Variants in NKAPL observed in about 807,000 individuals in gnomAD.
The protein encoded by NKAPL is NKAP-like protein.
In NKAPL, 7 loss-of-function variants were observed where a neutral mutation model predicts 14.7. That is an observed-to-expected ratio of 0.48 (90% CI 0.27 to 0.89). The LOEUF (loss-of-function observed/expected upper bound fraction) is 0.89, where lower values mean the gene tolerates loss of function less well. NKAPL is among the 40% of genes least tolerant of loss of function. The pLI, the probability that NKAPL is intolerant of heterozygous loss-of-function variation, is 0.12. For synonymous variants in NKAPL, 192 were observed against 179.9 expected, an observed-to-expected ratio of 1.07 and a Z score of -0.54; for missense variants, 466 against 494.1, an observed-to-expected ratio of 0.94 and a Z score of 0.54.
rs751561387 is a variant in NKAPL at position 28,259,769 on chromosome 6, C to G, written c.398C>G (p.Ala133Gly). The G allele has an allele frequency of 1.2e-6, 2 of 1,614,140 alleles. No individual in the cohort carries two copies. Among genetic ancestry groups the G allele is most frequent in the Non-Finnish European group, 1.7e-6 (2 of 1,180,028 alleles). ...AGAGAGAGGATTGGGGAATTGGGAG[C>G]GCCTGAAGTGTGGGGGCCGTCTCCA... ...KERERIGELG[A>G]PEVWGPSPKF... Residue 133 changes from alanine (A) to glycine (G), a missense_variant, in exon 1 of 1, where the codon GCG becomes GGG. Ala to Gly is a moderately conservative substitution (Grantham distance 60, BLOSUM62 0). Transcript: ENST00000343684.
At position 28,259,914 on chromosome 6, in the gene NKAPL, T is replaced by A. The variant is rs879150099; in HGVS notation, c.543T>A (p.Ser181Arg). The A allele has an allele frequency of 1.2e-6, 2 of 1,611,074 alleles. No homozygotes were observed. The highest frequency in any genetic ancestry group is 2.2e-5 in the South Asian group (2 of 90,392). ...NSEEHRKKKT[S>R]RSRNKKKRKN... The stretch of plus-strand genomic sequence containing the variant: ...AAGAACATAGGAAAAAGAAGACCAG[T>A]CGTTCAAGAAACAAGAAAAAAAGAA... Residue 181 changes from serine (S) to arginine (R), a missense_variant, in exon 1 of 1, where the codon AGT (serine) becomes AGA (arginine). Coordinates refer to ENST00000343684, the MANE Select transcript of NKAPL (RefSeq NM_001007531.3).
At position 28,259,318 on chromosome 6, in the gene NKAPL, A is replaced by T; in HGVS notation, c.-54A>T. 1 of 1,463,898 alleles carries T rather than the reference A, an allele frequency of 6.8e-7. No individual in the cohort carries two copies. Among genetic ancestry groups the T allele is most frequent in the Non-Finnish European group, 9.1e-7 (1 of 1,094,864 alleles). The allele number at this position is 1,463,898 out of a possible 1,614,324, so 90.7% of individuals were successfully genotyped here. ...TTCTAGTGCGCCTGCGTGGCCGCGA[A>T]TCACCAGCCAGCCTCTGGGTCTGTA... is the stretch of plus-strand genomic sequence containing the variant. On this transcript the variant is annotated 5_prime_UTR_variant, in exon 1 of 1. Coordinates refer to ENST00000343684, the MANE Select transcript of NKAPL (RefSeq NM_001007531.3).
In NKAPL at chr6:28,259,428, G is replaced by C; in HGVS notation, c.57G>C (p.Arg19Ser). ...YSEDIVGSRR[R>S]RRSSSGSPPS... ...AGGACATCGTGGGCTCTCGGAGAAG[G>C]CGACGCAGCTCCTCGGGGAGCCCAC... Residue 19 changes from arginine (R) to serine (S), a missense_variant, in exon 1 of 1, where the codon AGG (arginine) becomes AGC (serine). Transcript: ENST00000343684. 2 of 1,610,670 alleles carry C rather than the reference G, an allele frequency of 1.2e-6. No individual in the cohort carries two copies. Among genetic ancestry groups the C allele is most frequent in the Non-Finnish European group, 1.7e-6 (2 of 1,177,674 alleles).
Position 28,259,731 on chromosome 6 carries a change from G to A in NKAPL, c.360G>A (p.Arg120=). Residue 120 remains arginine, a synonymous_variant, in exon 1 of 1, where the codon AGG becomes AGA. Coordinates refer to ENST00000343684, the MANE Select transcript of NKAPL (RefSeq NM_001007531.3). ...DYEKEESHRQ[R]RLKERERIGE... is the part of the protein sequence containing the mutation. Reference sequence around the variant, plus strand: ...AGAAGGAAGAGAGCCATCGGCAGAGGAGGCTGAAGGAGAGAGAGAGGATTG... The same window carrying A: ...AGAAGGAAGAGAGCCATCGGCAGAGAAGGCTGAAGGAGAGAGAGAGGATTG... 6.2e-7 allele frequency: 1 copy of A among 1,614,248 alleles called. No individual in the cohort carries two copies. Among genetic ancestry groups the A allele is most frequent in the Non-Finnish European group, 8.5e-7 (1 of 1,180,042 alleles).
In NKAPL at chr6:28,259,994, C is replaced by CA; in HGVS notation, c.624dup (p.Glu209ArgfsTer3). 6.2e-7 allele frequency: 1 copy of CA among 1,605,126 alleles called. No homozygotes were observed. The highest frequency in any genetic ancestry group is 8.5e-7 in the Non-Finnish European group (1 of 1,177,880). On this transcript the variant is annotated frameshift_variant, in exon 1 of 1. Coordinates refer to ENST00000343684, the MANE Select transcript of NKAPL (RefSeq NM_001007531.3). LOFTEE classifies it low-confidence loss of function (END_TRUNC). Reference sequence around the variant, plus strand: ...AAATATTCTGATAGTGACAGTAACTCAGAGTCTGACACAAATTCTGACTCT... The same window carrying CA: ...AAATATTCTGATAGTGACAGTAACTCAAGAGTCTGACACAAATTCTGACTCT...
At position 28,259,493 on chromosome 6, in the gene NKAPL, C is replaced by T. The variant is rs760414569; in HGVS notation, c.122C>T (p.Ser41Phe). ...AGATGTTCCTCTTGGGATGGCTGTT[C>T]CCGCTCTCACTCCCGCGGCCGTGAG... ...QSRCSSWDGC[S>F]RSHSRGREGL... Residue 41 changes from serine to phenylalanine, a missense_variant, in exon 1 of 1, where the codon TCC becomes TTC. By Grantham distance (155) the Ser-to-Phe change is radical (BLOSUM62 -2). Transcript: ENST00000343684. 4.3e-6 allele frequency: 7 copies of T among 1,614,196 alleles called. No individual in the cohort carries two copies. The highest frequency in any genetic ancestry group is 3.3e-5 in the South Asian group (3 of 91,086).
In NKAPL at chr6:28,260,046, C is replaced by CAAGAAGAAA. The variant is rs544013005; in HGVS notation, c.690_698dup (p.Lys231_Lys233dup). On this transcript the variant is annotated inframe_insertion, in exon 1 of 1. Transcript: ENST00000343684. ...ATGATGATAAAAAGAGAGTTAAAGC[C>CAAGAAGAAA]AAGAAGAAAAAGAAGAAAAAGAAAC... 1.9e-5 allele frequency: 30 copies of CAAGAAGAAA among 1,582,764 alleles called. No homozygotes were observed. In the African/African-American group the frequency reaches 3.7e-4, roughly 20 times the overall value.
At position 28,260,263 on chromosome 6, in the gene NKAPL, C is replaced by T; in HGVS notation, c.892C>T (p.His298Tyr). ...SQDEKPLKYG[H>Y]ALLPGEGAAM... ...AGATGAAAAACCTTTGAAGTATGGCCATGCTTTGCTTCCCGGTGAAGGTGC... is the reference window on the plus strand; with the variant it reads ...AGATGAAAAACCTTTGAAGTATGGCTATGCTTTGCTTCCCGGTGAAGGTGC... The change falls in exon 1 of 1, where the codon CAT becomes TAT. Residue 298 changes from histidine to tyrosine, a missense_variant. Physicochemically the swap from His to Tyr is moderately conservative, Grantham distance 83. Transcript: ENST00000343684. 1 of 1,614,112 alleles carries T rather than the reference C, an allele frequency of 6.2e-7. No homozygotes were observed. Among genetic ancestry groups the T allele is most frequent in the Non-Finnish European group, 8.5e-7 (1 of 1,180,018 alleles).
In NKAPL at chr6:28,260,829, C is replaced by T. The variant is rs927924029; in HGVS notation, c.*249C>T. ...GTAAAAAGTGAATCTTTCACTTTAG[C>T]CCCTGACACCTTTCCCCCAAAAATA... On this transcript the variant is annotated 3_prime_UTR_variant, in exon 1 of 1. Transcript: ENST00000343684. The T allele has an allele frequency of 5.0e-6, 2 of 399,202 alleles. No individual in the cohort carries two copies. The highest frequency in any genetic ancestry group is 4.4e-5 in the South Asian group (1 of 22,812). The allele number at this position is 399,202 out of a possible 1,614,324, so 24.7% of individuals were successfully genotyped here.
In NKAPL at chr6:28,259,318, A is replaced by G; in HGVS notation, c.-54A>G. 1 of 1,463,898 alleles carries G rather than the reference A, an allele frequency of 6.8e-7. No individual in the cohort carries two copies. Among genetic ancestry groups the G allele is most frequent in the Non-Finnish European group, 9.1e-7 (1 of 1,094,864 alleles). 90.7% of individuals were successfully genotyped at this position (1,463,898 alleles called of 1,614,324 possible). On this transcript the variant is annotated 5_prime_UTR_variant, in exon 1 of 1. Transcript: ENST00000343684. ...TTCTAGTGCGCCTGCGTGGCCGCGA[A>G]TCACCAGCCAGCCTCTGGGTCTGTA... is the stretch of plus-strand genomic sequence containing the variant.
In NKAPL at chr6:28,259,329, G is replaced by T. The variant is rs1410514305; in HGVS notation, c.-43G>T. On this transcript the variant is annotated 5_prime_UTR_variant, in exon 1 of 1. Transcript: ENST00000343684. ...CTGCGTGGCCGCGAATCACCAGCCA[G>T]CCTCTGGGTCTGTAGCAACCGCCCA... 1 of 1,491,026 alleles carries T rather than the reference G, an allele frequency of 6.7e-7. No homozygotes were observed. Among genetic ancestry groups the T allele is most frequent in the Non-Finnish European group, 9.0e-7 (1 of 1,114,340 alleles). 92.4% of individuals were successfully genotyped at this position (1,491,026 alleles called of 1,614,324 possible). A position where few individuals can be genotyped will look rare whatever the true frequency, so the allele number is the denominator to read the frequency against.
Position 28,259,472 on chromosome 6 carries a change from G to C in NKAPL, c.101G>C (p.Cys34Ser). 1 of 1,614,090 alleles carries C rather than the reference G, an allele frequency of 6.2e-7. No individual in the cohort carries two copies. The highest frequency in any genetic ancestry group is 8.5e-7 in the Non-Finnish European group (1 of 1,180,040). The change falls in exon 1 of 1, where the codon TGT becomes TCT. Residue 34 changes from cysteine (C) to serine (S), a missense_variant. Coordinates refer to ENST00000343684, the MANE Select transcript of NKAPL (RefSeq NM_001007531.3). ...SGSPPSPQSR[C>S]SSWDGCSRSH... ...AGCCCACCATCCCCGCAGAGCAGATGTTCCTCTTGGGATGGCTGTTCCCGC... is the reference window on the plus strand; with the variant it reads ...AGCCCACCATCCCCGCAGAGCAGATCTTCCTCTTGGGATGGCTGTTCCCGC...
In NKAPL at chr6:28,260,768, T is replaced by C; in HGVS notation, c.*188T>C. 1 of 624,086 alleles carries C rather than the reference T, an allele frequency of 1.6e-6. No homozygotes were observed. The allele number at this position is 624,086 out of a possible 1,614,324, so 38.7% of individuals were successfully genotyped here. A position where few individuals can be genotyped will look rare whatever the true frequency, so the allele number is the denominator to read the frequency against. On this transcript the variant is annotated 3_prime_UTR_variant, in exon 1 of 1. Coordinates refer to ENST00000343684, the MANE Select transcript of NKAPL (RefSeq NM_001007531.3). ...TTTAAAAAGTAATATGTGCACATGG[T>C]TTTAAAAATATTCAACCATTATAGG...
In NKAPL at chr6:28,259,384, T is replaced by C; in HGVS notation, c.13T>C (p.Ser5Pro). 6.3e-7 allele frequency: 1 copy of C among 1,582,990 alleles called. No individual in the cohort carries two copies. The highest frequency in any genetic ancestry group is 8.6e-7 in the Non-Finnish European group (1 of 1,159,306). Residue 5 changes from serine (S) to proline (P), a missense_variant, in exon 1 of 1, where the codon TCC becomes CCC. Transcript: ENST00000343684. ...TGAGGCGCGGCTCATGCCCCCAGTA[T>C]CCCGGTCCAGCTATTCCGAGGACAT... MPPV[S>P]RSSYSEDIVG... is the part of the protein sequence containing the mutation.
At position 28,260,232 on chromosome 6, in the gene NKAPL, C is replaced by T; in HGVS notation, c.861C>T (p.Thr287=). ...LIGPEAPIIH[T]SQDEKPLKYG... is the part of the protein sequence containing the mutation. ...GGCCAGAAGCACCTATAATACATACCTCTCAAGATGAAAAACCTTTGAAGT... is the reference window on the plus strand; with the variant it reads ...GGCCAGAAGCACCTATAATACATACTTCTCAAGATGAAAAACCTTTGAAGT... Residue 287 remains threonine, a synonymous_variant, in exon 1 of 1, where the codon ACC becomes ACT. Coordinates refer to ENST00000343684, the MANE Select transcript of NKAPL (RefSeq NM_001007531.3). 6.2e-7 allele frequency: 1 copy of T among 1,614,128 alleles called. No homozygotes were observed. The highest frequency in any genetic ancestry group is 1.1e-5 in the South Asian group (1 of 91,078).
chr6:28,259,440 C>G lies in NKAPL; in HGVS notation c.69C>G (p.Ser23=). Residue 23 remains serine (S), a synonymous_variant, in exon 1 of 1, where the codon TCC becomes TCG. Coordinates refer to ENST00000343684, the MANE Select transcript of NKAPL (RefSeq NM_001007531.3). The stretch of plus-strand genomic sequence containing the variant: ...GCTCTCGGAGAAGGCGACGCAGCTC[C>G]TCGGGGAGCCCACCATCCCCGCAGA... The part of the protein sequence containing the change: ...IVGSRRRRRS[S]SGSPPSPQSR... 6.2e-7 allele frequency: 1 copy of G among 1,612,744 alleles called. No individual in the cohort carries two copies. The highest frequency in any genetic ancestry group is 8.5e-7 in the Non-Finnish European group (1 of 1,179,196).
In NKAPL at chr6:28,259,980, T is replaced by G; in HGVS notation, c.609T>G (p.Asp203Glu). 6.2e-7 allele frequency: 1 copy of G among 1,607,722 alleles called. No homozygotes were observed. Residue 203 changes from aspartate (D) to glutamate (E), a missense_variant, in exon 1 of 1, where the codon GAT (aspartate) becomes GAG (glutamate). By Grantham distance (45) the Asp-to-Glu change is conservative. Transcript: ENST00000343684. ...SSKRKHRKYS[D>E]SDSNSESDTN... ...AAAGAAAGCATAGGAAATATTCTGA[T>G]AGTGACAGTAACTCAGAGTCTGACA...
chr6:28,260,028 TA>T lies in NKAPL; in HGVS notation c.662del (p.Lys221ArgfsTer57). ...SDTNSDSDDDKKRVKAKKKKK... is the reference protein window; with the variant it reads ...SDTNSDSDDDXKRVKAKKKKK... Reference sequence around the variant, plus strand: ...ACACAAATTCTGACTCTGATGATGATAAAAAGAGAGTTAAAGCCAAGAAGAA... The same window carrying T: ...ACACAAATTCTGACTCTGATGATGATAAAAGAGAGTTAAAGCCAAGAAGAA... On this transcript the variant is annotated frameshift_variant, in exon 1 of 1. Coordinates refer to ENST00000343684, the MANE Select transcript of NKAPL (RefSeq NM_001007531.3). LOFTEE classifies it low-confidence loss of function (END_TRUNC). 6.3e-7 allele frequency: 1 copy of T among 1,593,666 alleles called. No homozygotes were observed. The highest frequency in any genetic ancestry group is 8.5e-7 in the Non-Finnish European group (1 of 1,174,954).
At position 28,259,999 on chromosome 6, in the gene NKAPL, T is replaced by C. The variant is rs1761305927; in HGVS notation, c.628T>C (p.Ser210Pro). 1.9e-6 allele frequency: 3 copies of C among 1,603,858 alleles called. No homozygotes were observed. Among genetic ancestry groups the C allele is most frequent in the Non-Finnish European group, 2.5e-6 (3 of 1,177,602 alleles). The change falls in exon 1 of 1, where the codon TCT (serine) becomes CCT (proline). Residue 210 changes from serine to proline, a missense_variant. Transcript: ENST00000343684. Reference protein sequence around the residue: ...KYSDSDSNSESDTNSDSDDDK... With the variant: ...KYSDSDSNSEPDTNSDSDDDK... ...TTCTGATAGTGACAGTAACTCAGAG[T>C]CTGACACAAATTCTGACTCTGATGA...
Sources: allele counts gnomAD v4.1 joint callset, GRCh38; gene constraint gnomAD v4.1.1; transcripts MANE v1.5; gene names NCBI Gene and HGNC (gene_info 2026-07-23, HGNC 2026-07-21).